Variants in IGF1R observed in about 807,000 individuals in gnomAD.
IGF1R encodes insulin-like growth factor 1 receptor.
A neutral mutation model predicts 144.6 loss-of-function variants in IGF1R; 44 were observed. The ratio of observed to expected loss-of-function variants is 0.30; its 90% CI spans 0.24 to 0.39. The LOEUF (loss-of-function observed/expected upper bound fraction) is 0.39, where lower values mean the gene tolerates loss of function less well. Among genes scored for constraint, IGF1R ranks in the 10% least tolerant of loss-of-function variants. The probability of loss-of-function intolerance (pLI) is 1.00; values close to 1 mark genes in which losing one functional copy is unlikely to be tolerated. For missense variants in IGF1R, 1,355 were observed against 1,833.7 expected, an observed-to-expected ratio of 0.74 and a Z score of 4.77; for synonymous variants, 795 against 722.8, an observed-to-expected ratio of 1.10 and a Z score of -1.60.
In IGF1R at chr15:98,808,383, C is replaced by A. The variant is rs978836777; in HGVS notation, c.641-82942C>A. Among the ~76,000 whole-genome samples the A allele has an allele frequency of 5.9e-5, 9 of 152,096 alleles. No homozygotes were observed. In the South Asian group the frequency reaches 8.3e-4, roughly 14 times the overall value. On this transcript the variant is annotated intron_variant, in intron 2 of 20. Coordinates refer to ENST00000650285, the MANE Select transcript of IGF1R (RefSeq NM_000875.5). ...TGGGATAAATTGTGAATAATTGTTT[C>A]ACTTTGTTTTTTAATATTGGCTATG...
chr15:98,924,625 C>T lies in IGF1R; in HGVS notation c.2723C>T (p.Thr908Ile). 1.9e-6 allele frequency: 3 copies of T among 1,614,218 alleles called. No homozygotes were observed. The highest frequency in any genetic ancestry group is 2.5e-6 in the Non-Finnish European group (3 of 1,180,018). The change falls in exon 13 of 21, where the codon ACA (threonine) becomes ATA (isoleucine). Residue 908 changes from threonine (T) to isoleucine (I), a missense_variant. Thr to Ile is a moderately conservative substitution (Grantham distance 89). Transcript: ENST00000650285. ...PGNYTARIQATSLSGNGSWTD... is the reference protein window; with the variant it reads ...PGNYTARIQAISLSGNGSWTD... ...AACTACACAGCCCGGATTCAGGCCACATCTCTCTCTGGGAATGGGTCGTGG... is the reference window on the plus strand; with the variant it reads ...AACTACACAGCCCGGATTCAGGCCATATCTCTCTCTGGGAATGGGTCGTGG...
chr15:98,871,631 C>T (rs948490042), intron 2 of IGF1R, among the ~76,000 whole-genome samples: 3 of 152,114 alleles, frequency 2.0e-5, no homozygotes, highest in Non-Finnish European at 2.9e-5. Flanking sequence ...AAAATCATGG[C>T]GGAAAGTGAA....
At chr15:98,901,126 T>G (rs2014460885) in intron 5 of IGF1R, among the ~76,000 whole-genome samples, 1 of 152,238 alleles carries the variant, frequency 6.6e-6, no homozygotes, top group African/African-American at 2.4e-5. Flanking sequence ...ATCTGAAACT[T>G]GCATAAAACC....
At chr15:98,844,851 A>C (rs2011251942) in intron 2 of IGF1R, among the ~76,000 whole-genome samples, 2 of 152,194 alleles carry the variant, frequency 1.3e-5, no homozygotes, top group Admixed American at 6.5e-5. Context: ...AGTTGAATGA[A>C]GCTTCTAAAT....
intron 3 of IGF1R, among the ~76,000 whole-genome samples, chr15:98,892,752 A>G (rs916331821): frequency 1.3e-5 from 2 of 152,290 alleles, no homozygotes; most frequent in South Asian, 4.1e-4. Context: ...TTAGGGGCTC[A>G]CGCCTGTAAT....
chr15:98,654,553 A>G (rs187628159), intron 1 of IGF1R, among the ~76,000 whole-genome samples: 18 of 152,224 alleles, frequency 1.2e-4, no homozygotes, highest in Non-Finnish European at 1.6e-4. Flanking sequence ...ACAAATCCTG[A>G]AAGTTTTTGT....
intron 1 of IGF1R, among the ~76,000 whole-genome samples, chr15:98,664,173 A>G (rs2052668991): frequency 6.6e-6 from 1 of 152,162 alleles, no homozygotes; most frequent in Non-Finnish European, 1.5e-5. Flanking sequence ...CACCTGTTGG[A>G]GCAAGTAGAG....
rs577209126 is a variant in IGF1R, at chr15:98,929,084, T to A, written c.2783-474T>A. Among the ~76,000 whole-genome samples, 14 of 152,264 alleles carry A rather than the reference T, an allele frequency of 9.2e-5. 1 individual carries two copies. The South Asian group carries it at 2.9e-3, about 32-fold the overall frequency. ...TTATTAGAAATAGAATGCTTGCTGCTGCAAGCATTTGAGTCCTTTTACAGG... is the reference window on the plus strand; with the variant it reads ...TTATTAGAAATAGAATGCTTGCTGCAGCAAGCATTTGAGTCCTTTTACAGG... On this transcript the variant is annotated intron_variant, in intron 13 of 20. Coordinates refer to ENST00000650285, the MANE Select transcript of IGF1R (RefSeq NM_000875.5).
rs1276112178 is a variant in IGF1R at position 98,908,934 on chromosome 15, C to T, written c.1462+35C>T. The stretch of plus-strand genomic sequence containing the variant: ...AGCATCCAAAACACCGTGGGCCCAA[C>T]CATCATGATAACAGCAGACCCTCCT... On this transcript the variant is annotated intron_variant, in intron 6 of 20. Transcript: ENST00000650285. 6 of 1,578,106 alleles carry T rather than the reference C, an allele frequency of 3.8e-6. No homozygotes were observed. In the African/African-American group the frequency reaches 5.4e-5, roughly 14 times the overall value.
chr15:98,728,319 A>G (rs919560871), intron 2 of IGF1R, among the ~76,000 whole-genome samples: 39 of 152,004 alleles, frequency 2.6e-4, no homozygotes, highest in African/African-American at 8.9e-4. Flanking sequence ...GGGGATGAGA[A>G]TGGTCGGGTT....
At chr15:98,760,005 A>G (rs1477185838) in intron 2 of IGF1R, among the ~76,000 whole-genome samples, 1 of 152,136 alleles carries the variant, frequency 6.6e-6, no homozygotes, top group Non-Finnish European at 1.5e-5. Context: ...GTGTGAGAAC[A>G]CCATTTTTCT....
intron 2 of IGF1R, among the ~76,000 whole-genome samples, chr15:98,793,362 G>A (rs2056168725): frequency 6.6e-6 from 1 of 152,188 alleles, no homozygotes; most frequent in African/African-American, 2.4e-5. Context: ...GAAAATGGAG[G>A]CCTTAGGTTG....
At chr15:98,743,412 C>CT (rs2054792705) in intron 2 of IGF1R, among the ~76,000 whole-genome samples, 1 of 152,160 alleles carries the variant, frequency 6.6e-6, no homozygotes, top group South Asian at 2.1e-4. Flanking sequence ...ACTAGGCACC[C>CT]TGGAGTCATT....
intron 2 of IGF1R, among the ~76,000 whole-genome samples, chr15:98,868,860 C>G (rs566642509): frequency 2.6e-5 from 4 of 152,294 alleles, no homozygotes; most frequent in Non-Finnish European, 5.9e-5. Flanking sequence ...CCCTTCCCTG[C>G]TAGTACCTGC....
At chr15:98,760,206 C>T (rs1318459345) in intron 2 of IGF1R, among the ~76,000 whole-genome samples, 1 of 151,658 alleles carries the variant, frequency 6.6e-6, no homozygotes, top group Non-Finnish European at 1.5e-5. Context: ...CAAAAACTAG[C>T]TGGGCATGGT....
At position 98,958,420 on chromosome 15, in the gene IGF1R, G is replaced by A. The variant is rs967725128; in HGVS notation, c.*978G>A. 7.2e-5 allele frequency: 10 copies of A among 138,218 alleles called. No individual in the cohort carries two copies. The South Asian group carries it at 1.9e-3, about 26-fold the overall frequency. 8.6% of individuals were successfully genotyped at this position (138,218 alleles called of 1,614,324 possible). Reference sequence around the variant, plus strand: ...TCTCCCAGCCCCAGCTCCCCCGCCCGCCCCCAAGGACACAGATGGGAAGGG... The same window carrying A: ...TCTCCCAGCCCCAGCTCCCCCGCCCACCCCCAAGGACACAGATGGGAAGGG... On this transcript the variant is annotated 3_prime_UTR_variant, in exon 21 of 21. Coordinates refer to ENST00000650285, the MANE Select transcript of IGF1R (RefSeq NM_000875.5).
chr15:98,676,330 G>T (rs1210466558), intron 1 of IGF1R, among the ~76,000 whole-genome samples: 3 of 152,034 alleles, frequency 2.0e-5, no homozygotes, highest in East Asian at 3.9e-4. Flanking sequence ...TAGAAATGGG[G>T]TTTCACTATG....
intron 2 of IGF1R, among the ~76,000 whole-genome samples, chr15:98,722,833 C>T (rs1432766639): frequency 6.6e-6 from 1 of 152,120 alleles, no homozygotes; most frequent in Non-Finnish European, 1.5e-5. Context: ...AGAGCAGGCA[C>T]TGAGTGCCCC....
intron 1 of IGF1R, among the ~76,000 whole-genome samples, chr15:98,699,541 C>T (rs1178669653): frequency 6.6e-6 from 1 of 152,142 alleles, no homozygotes; most frequent in South Asian, 2.1e-4. Flanking sequence ...TCCGGGAAAA[C>T]GGTTGTTACA....
Sources: gnomAD v4.1 joint callset for allele counts (sites outside exome capture counted in the v4.1 genomes callset) on GRCh38, gnomAD v4.1.1 for gene constraint, MANE v1.5 for transcripts, NCBI Gene and HGNC (gene_info 2026-07-23, HGNC 2026-07-21) for gene names.